Variants in TASP1 observed in about 807,000 individuals in gnomAD.
TASP1 encodes threonine aspartase 1.
In TASP1, 16 loss-of-function variants were observed where a neutral mutation model predicts 56.6. The ratio of observed to expected loss-of-function variants is 0.28; its 90% CI spans 0.19 to 0.43. TASP1 has a LOEUF of 0.43. TASP1 is among the 20% of genes least tolerant of loss of function. The probability of loss-of-function intolerance (pLI) is 1.00; values close to 1 mark genes in which losing one functional copy is unlikely to be tolerated. For synonymous variants in TASP1, 179 were observed against 184.2 expected (o/e 0.97, Z 0.23); for missense variants, 393 against 511.6 (o/e 0.77, Z 2.24).
chr20:13,466,907 T>A (rs942690176), intron 11 of TASP1, among the ~76,000 whole-genome samples: 1 of 152,172 alleles, frequency 6.6e-6, no homozygotes. Context: ...AATCTCATTG[T>A]ATCAATGGTA....
intron 7 of TASP1, among the ~76,000 whole-genome samples, chr20:13,562,352 A>G (rs2046371051): frequency 6.6e-6 from 1 of 152,148 alleles, no homozygotes; most frequent in Non-Finnish European, 1.5e-5. Flanking sequence ...GGGACTAGTA[A>G]AAGAAGAATT....
rs556651932 is a variant in TASP1 at position 13,610,484 on chromosome 20, G to A, written c.282+12962C>T. On this transcript the variant is annotated intron_variant, in intron 4 of 13. Transcript: ENST00000337743. ...ACACAAGGCCGGCCATGTTCACTCT[G>A]AAAAAAATTCATGAAGCTGTCCCCT... 1.2e-4 allele frequency among the ~76,000 whole-genome samples: 19 copies of A among 152,124 alleles called. 1 individual carries two copies. The South Asian group carries it at 3.7e-3, about 30-fold the overall frequency.
At chr20:13,364,102 T>C in the TASP1 span, among the ~76,000 whole-genome samples, 2 of 151,978 alleles carry the variant, frequency 1.3e-5, no homozygotes, top group Non-Finnish European at 2.9e-5. Context: ...AAAACAAACA[T>C]TTTAAATGTT....
At chr20:13,239,824 C>T in the TASP1 span, 7 of 152,170 alleles carry the variant, frequency 4.6e-5, no homozygotes, top group Non-Finnish European at 7.3e-5. Context: ...AAGACCATAC[C>T]ATTCATTTAT....
chr20:13,270,761 G>A, the TASP1 span: 1 of 1,608,734 alleles, frequency 6.2e-7, no homozygotes, highest in South Asian at 1.1e-5. Context: ...TTGGCACCTG[G>A]AAGATGGGAG....
chr20:13,240,958 C>A, the TASP1 span, among the ~76,000 whole-genome samples: 2 of 152,110 alleles, frequency 1.3e-5, no homozygotes, highest in African/African-American at 4.8e-5. Context: ...AAGATAATAG[C>A]AGGGAGGCTG....
the TASP1 span, among the ~76,000 whole-genome samples, chr20:13,345,118 G>T: frequency 6.6e-6 from 1 of 151,710 alleles, no homozygotes; most frequent in Non-Finnish European, 1.5e-5. Flanking sequence ...GTTTATTTTC[G>T]TTCAAAAAAA....
intron 11 of TASP1, among the ~76,000 whole-genome samples, chr20:13,439,400 G>T (rs1033083227): frequency 3.3e-5 from 5 of 152,030 alleles, no homozygotes; most frequent in African/African-American, 1.2e-4. Context: ...GCAAACTATC[G>T]CAAGGACAAA....
In TASP1 at chr20:13,568,988, G is replaced by A. The variant is rs182330964; in HGVS notation, c.568+519C>T. On this transcript the variant is annotated intron_variant, in intron 7 of 13. Coordinates refer to ENST00000337743, the MANE Select transcript of TASP1 (RefSeq NM_017714.3). ...GGACTTTTGATCATTTTTATATTGG[G>A]CAATTACTTGTATTTGTGTTGTTTT... Among the ~76,000 whole-genome samples the A allele has an allele frequency of 3.0e-3, 449 of 152,034 alleles. 5 individuals carry two copies. The highest frequency in any genetic ancestry group is 9.8e-3 in the Admixed American group (149 of 15,266).
At chr20:13,475,671 G>A (rs1405292058) in intron 11 of TASP1, among the ~76,000 whole-genome samples, 2 of 152,194 alleles carry the variant, frequency 1.3e-5, no homozygotes, top group South Asian at 2.1e-4. Context: ...GAGGTTGGGG[G>A]ATCACCTGAG....
chr20:13,252,299 T>C, the TASP1 span, among the ~76,000 whole-genome samples: 1 of 152,368 alleles, frequency 6.6e-6, no homozygotes, highest in Middle Eastern at 3.4e-3. Context: ...GTGTACATGC[T>C]GGGAACAATT....
chr20:13,410,177 A>G (rs2042049894), intron 13 of TASP1, among the ~76,000 whole-genome samples: 1 of 152,212 alleles, frequency 6.6e-6, no homozygotes, highest in African/African-American at 2.4e-5. Flanking sequence ...TATGCCCAAT[A>G]GTATTCCATT....
chr20:13,213,024 A>G, the TASP1 span, among the ~76,000 whole-genome samples: 1 of 152,200 alleles, frequency 6.6e-6, no homozygotes, highest in African/African-American at 2.4e-5. Context: ...AAGTGGAGAC[A>G]TCTCTGATGT....
intron 11 of TASP1, among the ~76,000 whole-genome samples, chr20:13,458,690 A>G (rs779951701): frequency 1.4e-4 from 21 of 152,134 alleles, no homozygotes; most frequent in Non-Finnish European, 2.5e-4. Flanking sequence ...AAAAAGAATC[A>G]TTCACTTTCT....
At chr20:13,236,299 A>T in the TASP1 span, among the ~76,000 whole-genome samples, 1 of 152,180 alleles carries the variant, frequency 6.6e-6, no homozygotes, top group African/African-American at 2.4e-5. Flanking sequence ...TTATGTTAAC[A>T]AACTTCTCAC....
chr20:13,440,579 T>A (rs1371673347), intron 11 of TASP1, among the ~76,000 whole-genome samples: 1 of 138,652 alleles, frequency 7.2e-6, no homozygotes, highest in Admixed American at 7.2e-5. Context: ...ACCAAAAAAA[T>A]AATAAGACTT....
At chr20:13,302,459 G>A in the TASP1 span, among the ~76,000 whole-genome samples, 1 of 152,184 alleles carries the variant, frequency 6.6e-6, no homozygotes, top group Non-Finnish European at 1.5e-5. Context: ...CTCATGCCTA[G>A]GTTGTCTAAT....
chr20:13,196,064 T>A, the TASP1 span, among the ~76,000 whole-genome samples: 108 of 152,326 alleles, frequency 7.1e-4, no homozygotes, highest in African/African-American at 2.5e-3. Flanking sequence ...TAGGCCATGA[T>A]AAATTTGTGG....
intron 10 of TASP1, among the ~76,000 whole-genome samples, chr20:13,520,782 T>C (rs1324077485): frequency 6.6e-6 from 1 of 152,128 alleles, no homozygotes; most frequent in Non-Finnish European, 1.5e-5. Context: ...TGGGATCTAA[T>C]TAAACTAAAG....
Sources: allele counts gnomAD v4.1 joint callset (sites outside exome capture counted in the v4.1 genomes callset), GRCh38; gene constraint gnomAD v4.1.1; transcripts MANE v1.5; gene names NCBI Gene and HGNC (gene_info 2026-07-23, HGNC 2026-07-21).